DMD: variants seen among roughly 807,000 people sequenced by gnomAD.
The protein encoded by DMD is mutant dystrophin.
DMD carries 63 observed loss-of-function variants against 330.1 expected under a neutral mutation model. The observed-to-expected ratio is 0.19, with a 90% CI of 0.16 to 0.24. The LOEUF (loss-of-function observed/expected upper bound fraction) is 0.24, where lower values mean the gene tolerates loss of function less well. Ranked by LOEUF, DMD falls within the 10% of genes least tolerant of loss-of-function variation. The pLI, the probability that DMD is intolerant of heterozygous loss-of-function variation, is 1.00. For synonymous variants in DMD, 1,223 were observed against 959.8 expected, an observed-to-expected ratio of 1.27 and a Z score of -5.07; for missense variants, 3,344 against 2,684.1, an observed-to-expected ratio of 1.25 and a Z score of -5.43.
At chrX:32,770,190 C>T (rs2073453410) in intron 7 of DMD, among the ~76,000 whole-genome samples, 2 of 111,614 alleles carry the variant, frequency 1.8e-5, no homozygotes, top group South Asian at 7.5e-4. Flanking sequence ...AAGAGAATGA[C>T]ATGCTTAGAC....
intron 63 of DMD, among the ~76,000 whole-genome samples, chrX:31,240,538 A>C (rs2048148078): frequency 2.7e-5 from 3 of 111,572 alleles, no homozygotes; most frequent in Admixed American, 1.9e-4. Flanking sequence ...GATTTCTTCC[A>C]AATTCTTAGC....
At chrX:31,424,927 T>C (rs182567854) in intron 60 of DMD, among the ~76,000 whole-genome samples, 86 of 112,184 alleles carry the variant, frequency 7.7e-4, no homozygotes, top group African/African-American at 2.6e-3. Context: ...GGGGTGTAGC[T>C]GAGTTGTGAG....
At chrX:32,491,614 CA>C (rs917738005) in intron 19 of DMD, 96 bp from the exon 20 acceptor site, 102 of 828,052 alleles carry the variant, frequency 1.2e-4, no homozygotes, top group Non-Finnish European at 1.7e-4. Context: ...AAGTATTCAC[CA>C]CATGAATGAT....
chrX:32,627,434 G>A (rs1251692837), intron 11 of DMD, among the ~76,000 whole-genome samples: 1 of 100,250 alleles, frequency 1.0e-5, no homozygotes, highest in Non-Finnish European at 1.9e-5. Context: ...GTAGAATTTG[G>A]GGCTTTTAAA....
chrX:32,611,614 A>G (rs779280116), intron 12 of DMD, among the ~76,000 whole-genome samples: 2 of 111,896 alleles, frequency 1.8e-5, no homozygotes, highest in Non-Finnish European at 3.8e-5. Context: ...TCTCACCTTA[A>G]TGAAGAGTCT....
chrX:32,527,982 T>G, intron 17 of DMD, among the ~76,000 whole-genome samples: 1 of 112,163 alleles, frequency 8.9e-6, no homozygotes, highest in Non-Finnish European at 1.9e-5. Context: ...TTTAAGTTGC[T>G]TTAAATGTAA....
intron 62 of DMD, among the ~76,000 whole-genome samples, chrX:31,322,788 T>C (rs777769102): frequency 8.9e-6 from 1 of 112,395 alleles, no homozygotes; most frequent in Non-Finnish European, 1.9e-5. Context: ...GTCAGACTCA[T>C]GGCAGAAGCA....
At chrX:32,744,773 C>G (rs58697417) in intron 7 of DMD, among the ~76,000 whole-genome samples, 88 of 111,734 alleles carry the variant, frequency 7.9e-4, no homozygotes, top group African/African-American at 2.7e-3. Flanking sequence ...ACTCTAGGTT[C>G]AGGATATAAA....
rs990002674 is a variant in DMD, at chrX:32,720,485, C to T, written c.650-21192G>A. On this transcript the variant is annotated intron_variant, in intron 7 of 78. Coordinates refer to ENST00000357033, the MANE Select transcript of DMD (RefSeq NM_004006.3). ...TTATTCGATTCACATTGTTTGCCCC[C>T]ATGGGGATTTTTTTAACGCCTTTTT... is the stretch of plus-strand genomic sequence containing the variant. 2.7e-5 allele frequency among the ~76,000 whole-genome samples: 3 copies of T among 111,966 alleles called. No individual in the cohort carries two copies. In the Admixed American group the frequency reaches 2.9e-4, roughly 11 times the overall value.
chrX:33,037,939 G>T (rs1053941220), intron 1 of DMD, among the ~76,000 whole-genome samples: 3 of 111,809 alleles, frequency 2.7e-5, no homozygotes, highest in Non-Finnish European at 5.7e-5. Flanking sequence ...CATTACATTC[G>T]AAAGATGACA....
chrX:33,337,057 G>C (rs746853518), intron 1 of DMD, among the ~76,000 whole-genome samples: 4 of 111,627 alleles, frequency 3.6e-5, no homozygotes, highest in Non-Finnish European at 5.7e-5. Context: ...AATGAAGCAA[G>C]CCTAAACTAT....
chrX:33,102,785 T>C (rs1412692202), intron 1 of DMD, among the ~76,000 whole-genome samples: 2 of 111,871 alleles, frequency 1.8e-5, no homozygotes, highest in African/African-American at 6.5e-5. Flanking sequence ...TTACATCGTA[T>C]ATATGTACAT....
In DMD at chrX:32,148,619, T is replaced by C. The variant is rs754657968; in HGVS notation, c.6438+68297A>G. Among the ~76,000 whole-genome samples the C allele has an allele frequency of 2.7e-5, 3 of 111,060 alleles. No homozygotes were observed. The East Asian group carries it at 8.5e-4, about 31-fold the overall frequency. ...CCTTTGATTAAAAAAAAAAAGATTA[T>C]TGTAAAAGATGATGCTCTAAGTCTG... On this transcript the variant is annotated intron_variant, in intron 44 of 78. Transcript: ENST00000357033.
intron 9 of DMD, among the ~76,000 whole-genome samples, chrX:32,663,173 G>A (rs187006948): frequency 2.2e-4 from 25 of 111,707 alleles, no homozygotes; most frequent in African/African-American, 6.8e-4. Flanking sequence ...CAATGCATTC[G>A]ATGCCATCAG....
intron 44 of DMD, among the ~76,000 whole-genome samples, chrX:32,071,131 G>A (rs2096294143): frequency 9.0e-6 from 1 of 111,062 alleles, no homozygotes; most frequent in Admixed American, 9.6e-5. Flanking sequence ...ACATACATGT[G>A]CATGTGTCTT....
chrX:32,112,269 C>T (rs962841225), intron 44 of DMD, among the ~76,000 whole-genome samples: 2 of 111,899 alleles, frequency 1.8e-5, no homozygotes, highest in African/African-American at 6.5e-5. Context: ...ATACAGGCTG[C>T]TCATCTCCAC....
At chrX:31,957,580 T>C (rs761796717) in intron 45 of DMD, among the ~76,000 whole-genome samples, 1 of 112,032 alleles carries the variant, frequency 8.9e-6, no homozygotes, top group Non-Finnish European at 1.9e-5. Context: ...AATTGTTAGA[T>C]TGGCAGCTTA....
At chrX:31,653,490 A>T (rs1322172646) in intron 54 of DMD, among the ~76,000 whole-genome samples, 1 of 110,403 alleles carries the variant, frequency 9.1e-6, no homozygotes, top group East Asian at 2.9e-4. Context: ...TGATGCAAGG[A>T]CCATCTCCTC....
intron 44 of DMD, among the ~76,000 whole-genome samples, chrX:32,079,814 C>T (rs1056411752): frequency 8.9e-6 from 1 of 111,779 alleles, no homozygotes; most frequent in Non-Finnish European, 1.9e-5. Context: ...CATGTCGATA[C>T]AAATCATATC....
Sources: allele counts gnomAD v4.1 joint callset (sites outside exome capture counted in the v4.1 genomes callset), GRCh38; gene constraint gnomAD v4.1.1; transcripts MANE v1.5; gene names NCBI Gene and HGNC (gene_info 2026-07-23, HGNC 2026-07-21).